CNMD: variants seen among roughly 807,000 people sequenced by gnomAD.
The protein encoded by CNMD is leukocyte cell-derived chemotaxin 1.
A neutral mutation model predicts 37.5 loss-of-function variants in CNMD; 30 were observed. That is an observed-to-expected ratio of 0.80 (90% confidence interval 0.60 to 1.09). The LOEUF (loss-of-function observed/expected upper bound fraction) is 1.09. Among genes scored for constraint, CNMD ranks in the 50% least tolerant of loss-of-function variants. The pLI, the probability that CNMD is intolerant of heterozygous loss-of-function variation, is 0.00. For synonymous variants in CNMD, 167 were observed against 148.2 expected, an observed-to-expected ratio of 1.13 and a Z score of -0.92; for missense variants, 398 against 423.9, an observed-to-expected ratio of 0.94 and a Z score of 0.54.
chr13:52,708,452 A>C (rs1472300349), intron 6 of CNMD, 84 bp downstream of exon 6: 1 of 1,284,720 alleles, frequency 7.8e-7, no homozygotes, highest in East Asian at 2.5e-5. Flanking sequence ...AAGTGCTAGG[A>C]TTACAGGCGT....
At position 52,729,827 on chromosome 13, in the gene CNMD, T is replaced by A. The variant is rs149493008; in HGVS notation, c.354+3392A>T. On this transcript the variant is annotated intron_variant, in intron 3 of 6. Coordinates refer to ENST00000377962, the MANE Select transcript of CNMD (RefSeq NM_007015.3). ...GTTTATTCTTTCAATTTCTTTTTTT[T>A]AAAATTTTATTATTATTATACTTTA... 6.8e-3 allele frequency among the ~76,000 whole-genome samples: 1,042 copies of A among 152,226 alleles called. 8 individuals are homozygous for A. The highest frequency in any genetic ancestry group is 0.022 in the African/African-American group (923 of 41,544).
In CNMD at chr13:52,739,311, C is replaced by T; in HGVS notation, c.73-140G>A. 7 of 1,033,112 alleles carry T rather than the reference C, an allele frequency of 6.8e-6. No homozygotes were observed. The highest frequency in any genetic ancestry group is 9.4e-6 in the Non-Finnish European group (7 of 747,314). The allele number at this position is 1,033,112 out of a possible 1,614,324, so 64.0% of individuals were successfully genotyped here. ...CAGCTCGCCCGGGCTCCTACGGGTG[C>T]CCCTTTCGCCGCGCTCCCTCCCGAG... is the stretch of plus-strand genomic sequence containing the variant. On this transcript the variant is annotated intron_variant, in intron 1 of 6. Coordinates refer to ENST00000377962, the MANE Select transcript of CNMD (RefSeq NM_007015.3). This position sits in a 1 kb window ranked among gnomAD's most constrained non-coding sequence, Gnocchi z 5.4.
intron 2 of CNMD, among the ~76,000 whole-genome samples, chr13:52,737,116 A>C (rs1284107267): frequency 3.3e-5 from 5 of 152,094 alleles, no homozygotes; most frequent in Non-Finnish European, 7.3e-5. Flanking sequence ...TAATCCCCAA[A>C]GAGTGGATAA....
At chr13:52,719,980 G>A (rs976841185) in intron 4 of CNMD, among the ~76,000 whole-genome samples, 3 of 152,020 alleles carry the variant, frequency 2.0e-5, no homozygotes, top group African/African-American at 7.2e-5. Context: ...ATGTAGGTTT[G>A]GTTTTTTCAC....
rs397694738 is a variant in CNMD, at chr13:52,705,072, A to AT, written c.790-1263dup. Reference sequence around the variant, plus strand: ...AAACTCTGTCTTGGAAAAAAAAAAAATTTCAAACATACTGGAGAGTAGAGA... The same window carrying AT: ...AAACTCTGTCTTGGAAAAAAAAAAAATTTTCAAACATACTGGAGAGTAGAGA... On this transcript the variant is annotated intron_variant, in intron 6 of 6. Transcript: ENST00000377962. 3.5e-4 allele frequency among the ~76,000 whole-genome samples: 53 copies of AT among 150,586 alleles called. 1 individual carries two copies. The South Asian group carries it at 7.8e-3, about 22-fold the overall frequency.
intron 4 of CNMD, 62 bp downstream of exon 4, chr13:52,723,935 G>T: frequency 2.9e-6 from 3 of 1,034,536 alleles, no homozygotes; most frequent in Admixed American, 1.8e-5. Context: ...AAACCAAAAG[G>T]GTTGTGCCTT....
In CNMD at chr13:52,739,472, T is replaced by C; in HGVS notation, c.72+158A>G. ...TGTGGATGCCGTGACCCCTGCACAC[T>C]CATACGCGTGGGGCGACATCCCACC... is the stretch of plus-strand genomic sequence containing the variant. On this transcript the variant is annotated intron_variant, in intron 1 of 6. Transcript: ENST00000377962. This position sits in a 1 kb window ranked among gnomAD's most constrained non-coding sequence, Gnocchi z 5.4. The C allele has an allele frequency of 1.4e-6, 1 of 731,108 alleles. No individual in the cohort carries two copies. Among genetic ancestry groups the C allele is most frequent in the Admixed American group, 2.2e-5 (1 of 44,930 alleles). 45.3% of individuals were successfully genotyped at this position (731,108 alleles called of 1,614,324 possible).
chr13:52,720,588 T>C (rs1193618775), intron 4 of CNMD, among the ~76,000 whole-genome samples: 2 of 152,220 alleles, frequency 1.3e-5, no homozygotes, highest in East Asian at 3.9e-4. Flanking sequence ...TGGAGTTTGC[T>C]GAGGTCCACT....
intron 4 of CNMD, among the ~76,000 whole-genome samples, chr13:52,715,265 G>A (rs190387103): frequency 6.6e-6 from 1 of 151,720 alleles, no homozygotes; most frequent in African/African-American, 2.4e-5. Context: ...ACTAATTTTT[G>A]TACCCATTAC....
At chr13:52,705,690 G>A (rs1024267561) in intron 6 of CNMD, among the ~76,000 whole-genome samples, 2 of 152,152 alleles carry the variant, frequency 1.3e-5, no homozygotes, top group African/African-American at 4.8e-5. Flanking sequence ...AGATCATGGA[G>A]ATAAATGCTT....
chr13:52,733,028 G>T, intron 3 of CNMD, 191 bp downstream of exon 3: 6 of 597,834 alleles, frequency 1.0e-5, no homozygotes, highest in East Asian at 2.8e-5. Flanking sequence ...TTTTTCTTTT[G>T]CAAATATGAA....
Position 52,736,091 on chromosome 13 carries a change from T to A in CNMD, c.214-2732A>T, listed in dbSNP as rs562426825. Among the ~76,000 whole-genome samples, 3 of 152,196 alleles carry A rather than the reference T, an allele frequency of 2.0e-5. No individual in the cohort carries two copies. In the East Asian group the frequency reaches 5.8e-4, roughly 30 times the overall value. On this transcript the variant is annotated intron_variant, in intron 2 of 6. Transcript: ENST00000377962. ...TCACTGCAAGCTCCGCCTCCTGGGT[T>A]CACACCATTCTCCTGCCTCAGCCTC...
rs945948520 is a variant in CNMD at position 52,708,619 on chromosome 13, G to C, written c.706C>G (p.Pro236Ala). The C allele has an allele frequency of 6.8e-6, 11 of 1,613,792 alleles. No individual in the cohort carries two copies. The highest frequency in any genetic ancestry group is 9.3e-6 in the Non-Finnish European group (11 of 1,179,882). The change falls in exon 6 of 7, where the codon CCA becomes GCA. Residue 236 changes from proline to alanine, a missense_variant. Pro to Ala is a conservative substitution (Grantham distance 27). Coordinates refer to ENST00000377962, the MANE Select transcript of CNMD (RefSeq NM_007015.3). ...TCATTATTCAGTCTTCCAGCGCCTG[G>C]GTTGCTCCGTGGTCCACTGTGTGGT... ...KRPHSGPRSN[P>A]GAGRLNNETR...
At chr13:52,723,665 C>T (rs975993517) in intron 4 of CNMD, among the ~76,000 whole-genome samples, 2 of 152,072 alleles carry the variant, frequency 1.3e-5, no homozygotes, top group African/African-American at 4.8e-5. Context: ...CGCGGTGGCT[C>T]ACTCCTATAA....
At chr13:52,721,840 T>C (rs1964488600) in intron 4 of CNMD, among the ~76,000 whole-genome samples, 1 of 152,218 alleles carries the variant, frequency 6.6e-6, no homozygotes, top group Admixed American at 6.5e-5. Flanking sequence ...TCAGAAAATA[T>C]ACTGCAAACT....
chr13:52,736,955 T>C (rs1358084330), intron 2 of CNMD, among the ~76,000 whole-genome samples: 1 of 152,146 alleles, frequency 6.6e-6, no homozygotes, highest in Non-Finnish European at 1.5e-5. Flanking sequence ...AGTTCAGTTG[T>C]CCCCTGATTA....
At chr13:52,718,575 A>G (rs1221544805) in intron 4 of CNMD, among the ~76,000 whole-genome samples, 1 of 152,000 alleles carries the variant, frequency 6.6e-6, no homozygotes, top group East Asian at 1.9e-4. Flanking sequence ...GAACATCTTT[A>G]TTTCTGCCTT....
At chr13:52,705,074 T>G (rs1964152850) in intron 6 of CNMD, among the ~76,000 whole-genome samples, 1 of 151,570 alleles carries the variant, frequency 6.6e-6, no homozygotes, top group South Asian at 2.1e-4. Flanking sequence ...AAAAAAAAAT[T>G]TCAAACATAC....
In CNMD at chr13:52,739,577, C is replaced by A; in HGVS notation, c.72+53G>T. The A allele has an allele frequency of 6.6e-7, 1 of 1,511,890 alleles. No individual in the cohort carries two copies. The highest frequency in any genetic ancestry group is 9.2e-7 in the Non-Finnish European group (1 of 1,087,104). The allele number at this position is 1,511,890 out of a possible 1,614,324, so 93.7% of individuals were successfully genotyped here. ...GCACCCCTGAGTCCGAACTGTGGAACCTGATACTCACACAACCCAGGCCCT... is the reference window on the plus strand; with the variant it reads ...GCACCCCTGAGTCCGAACTGTGGAAACTGATACTCACACAACCCAGGCCCT... On this transcript the variant is annotated intron_variant, in intron 1 of 6. Transcript: ENST00000377962. This position sits in a 1 kb window ranked among gnomAD's most constrained non-coding sequence, Gnocchi z 5.4.
Sources: gnomAD v4.1 joint callset for allele counts (sites outside exome capture counted in the v4.1 genomes callset) on GRCh38, gnomAD v4.1.1 for gene constraint, Gnocchi (gnomAD v3.1) non-coding constraint, MANE v1.5 for transcripts, NCBI Gene and HGNC (gene_info 2026-07-23, HGNC 2026-07-21) for gene names.